The following BRINP3 variants were observed in gnomAD, a reference collection of about 807,000 sequenced individuals.
BRINP3 encodes the protein BMP/retinoic acid inducible neural specific 3, also known as BMP/retinoic acid-inducible neural-specific protein 3.
Under a neutral mutation model 71.0 loss-of-function variants are expected in BRINP3, and 19 were observed. The observed-to-expected ratio is 0.27, with a 90% CI of 0.19 to 0.39. BRINP3 has a LOEUF of 0.39. BRINP3 is among the 10% of genes least tolerant of loss of function. The pLI is 1.00. For missense variants in BRINP3, 959 were observed against 940.8 expected (o/e 1.02, Z -0.25); for synonymous variants, 380 against 337.7 (o/e 1.13, Z -1.37).
intron 2 of BRINP3, among the ~76,000 whole-genome samples, chr1:190,304,836 T>C (rs1664984068): frequency 6.6e-6 from 1 of 151,778 alleles, no homozygotes; most frequent in African/African-American, 2.4e-5. Context: ...ACCCACAGAA[T>C]GGGAGAAAAT....
At chr1:190,310,146 G>A (rs1665415139) in intron 2 of BRINP3, among the ~76,000 whole-genome samples, 1 of 147,048 alleles carries the variant, frequency 6.8e-6, no homozygotes, top group African/African-American at 2.5e-5. Context: ...CTAAACTGAT[G>A]TTTCCCCTTT....
At chr1:190,326,763 G>C (rs905061046) in intron 2 of BRINP3, among the ~76,000 whole-genome samples, 2 of 151,996 alleles carry the variant, frequency 1.3e-5, no homozygotes, top group Non-Finnish European at 2.9e-5. Flanking sequence ...AAAATAATCT[G>C]TTACTATTAA....
chr1:190,136,541 A>T (rs1456124449), intron 7 of BRINP3, among the ~76,000 whole-genome samples: 1 of 152,090 alleles, frequency 6.6e-6, no homozygotes, highest in Non-Finnish European at 1.5e-5. Flanking sequence ...TCTTTGAATA[A>T]TCTTGTTTGT....
chr1:190,331,934 G>T (rs978374158), intron 2 of BRINP3, among the ~76,000 whole-genome samples: 1 of 151,862 alleles, frequency 6.6e-6, no homozygotes, highest in African/African-American at 2.4e-5. Flanking sequence ...TGTTATCAAT[G>T]CATCACTAGT....
At chr1:190,351,622 C>G (rs1253962319) in intron 2 of BRINP3, among the ~76,000 whole-genome samples, 1 of 151,950 alleles carries the variant, frequency 6.6e-6, no homozygotes, top group Non-Finnish European at 1.5e-5. Flanking sequence ...ATGGTCATTC[C>G]AGGCTTTTCA....
intron 7 of BRINP3, among the ~76,000 whole-genome samples, chr1:190,159,810 T>A (rs1367690570): frequency 6.6e-6 from 1 of 151,946 alleles, no homozygotes; most frequent in Non-Finnish European, 1.5e-5. Flanking sequence ...ACCAATAAAT[T>A]GTAAAACCAA....
intron 2 of BRINP3, among the ~76,000 whole-genome samples, chr1:190,347,405 G>T (rs2102023182): frequency 6.6e-6 from 1 of 152,258 alleles, no homozygotes; most frequent in Non-Finnish European, 1.5e-5. Flanking sequence ...CTCCCAAAGT[G>T]CTGGGATTAC....
chr1:190,282,247 T>C (rs1366019373), intron 2 of BRINP3, among the ~76,000 whole-genome samples: 2 of 150,420 alleles, frequency 1.3e-5, no homozygotes, highest in African/African-American at 4.9e-5. Flanking sequence ...TCAGTTTTCT[T>C]CTTTTTTTTT....
chr1:190,212,553 T>G (rs542705587), intron 6 of BRINP3, among the ~76,000 whole-genome samples: 1 of 152,232 alleles, frequency 6.6e-6, no homozygotes, highest in Admixed American at 6.6e-5. Flanking sequence ...TGTTTTCAGT[T>G]TCTTGTATCT....
chr1:190,362,739 C>T (rs1470753639), intron 2 of BRINP3, among the ~76,000 whole-genome samples: 3 of 152,156 alleles, frequency 2.0e-5, no homozygotes, highest in African/African-American at 7.2e-5. Context: ...GGGAAAACCC[C>T]TTTTGCTTTC....
chr1:190,164,560 A>G (rs1021573019), intron 6 of BRINP3, among the ~76,000 whole-genome samples: 1 of 152,136 alleles, frequency 6.6e-6, no homozygotes, highest in African/African-American at 2.4e-5. Context: ...CAATACACCA[A>G]GTACATATCT....
chr1:190,365,831 T>C (rs36155017), intron 2 of BRINP3, among the ~76,000 whole-genome samples: 1 of 139,862 alleles, frequency 7.1e-6, no homozygotes, highest in Admixed American at 7.1e-5. Flanking sequence ...TATATATATA[T>C]ATATACACAC....
intron 2 of BRINP3, among the ~76,000 whole-genome samples, chr1:190,434,934 G>T (rs1444715553): frequency 6.6e-6 from 1 of 152,088 alleles, no homozygotes; most frequent in Non-Finnish European, 1.5e-5. Context: ...AATCTGCCTA[G>T]ATAGCAGAGA....
At chr1:190,414,613 G>A (rs1291387011) in intron 2 of BRINP3, among the ~76,000 whole-genome samples, 7 of 152,236 alleles carry the variant, frequency 4.6e-5, no homozygotes, top group East Asian at 3.9e-4. Flanking sequence ...ATAGAAAGAG[G>A]CAAATGGGAA....
At chr1:190,459,094 G>T (rs1008638328) in intron 1 of BRINP3, among the ~76,000 whole-genome samples, 24 of 147,392 alleles carry the variant, frequency 1.6e-4, no homozygotes, top group African/African-American at 5.7e-4. Flanking sequence ...TATTTGAAAA[G>T]CAGATATTTA....
intron 1 of BRINP3, among the ~76,000 whole-genome samples, chr1:190,463,003 A>T (rs1361471776): frequency 6.6e-6 from 1 of 152,048 alleles, no homozygotes; most frequent in Non-Finnish European, 1.5e-5. Context: ...AATGTGATTT[A>T]TTTTAAAACA....
intron 2 of BRINP3, among the ~76,000 whole-genome samples, chr1:190,451,098 T>C (rs1675575796): frequency 6.6e-6 from 1 of 152,182 alleles, no homozygotes; most frequent in Admixed American, 6.5e-5. Context: ...CTGTATAATA[T>C]TTTGAAAAAT....
chr1:190,417,100 C>A (rs934247601), intron 2 of BRINP3, among the ~76,000 whole-genome samples: 4 of 152,006 alleles, frequency 2.6e-5, no homozygotes, highest in African/African-American at 9.7e-5. Flanking sequence ...GTGTAGAATG[C>A]CCTAGATTCA....
chr1:190,471,414 T>C (rs557799157), intron 1 of BRINP3, among the ~76,000 whole-genome samples: 42 of 151,436 alleles, frequency 2.8e-4, no homozygotes, highest in African/African-American at 1.0e-3. Context: ...ACATAGATTA[T>C]TTGTTATTTT....
Sources: gnomAD v4.1 joint callset for allele counts (sites outside exome capture counted in the v4.1 genomes callset) on GRCh38, gnomAD v4.1.1 for gene constraint, MANE v1.5 for transcripts, NCBI Gene and HGNC (gene_info 2026-07-23, HGNC 2026-07-21) for gene names.